The following RIGI variants were observed in gnomAD, a reference collection of about 807,000 sequenced individuals.
RIGI encodes the protein RNA sensor RIG-I.
the RIGI span, chr9:32,480,233 G>T: frequency 4.4e-6 from 7 of 1,601,460 alleles, no homozygotes; most frequent in Non-Finnish European, 6.0e-6. Flanking sequence ...AAATCTCTGA[G>T]TAAGATCTTG....
the RIGI span, among the ~76,000 whole-genome samples, chr9:32,464,486 T>C: frequency 4.6e-5 from 7 of 151,934 alleles, no homozygotes; most frequent in Non-Finnish European, 1.0e-4. Context: ...GCCTCCCGGG[T>C]TCACGCCATT....
chr9:32,488,656 T>C, the RIGI span: 1 of 1,395,348 alleles, frequency 7.2e-7, no homozygotes, highest in Non-Finnish European at 9.5e-7. Flanking sequence ...TTTTAAATCA[T>C]TTGTCAAAAA....
chr9:32,460,258 G>A, the RIGI span, among the ~76,000 whole-genome samples: 1 of 152,158 alleles, frequency 6.6e-6, no homozygotes, highest in Non-Finnish European at 1.5e-5. Flanking sequence ...CCCAATCTCG[G>A]TTATGTCTTT....
At chr9:32,487,578 G>C in the RIGI span, 4 of 1,614,146 alleles carry the variant, frequency 2.5e-6, no homozygotes, top group East Asian at 8.9e-5. Flanking sequence ...ATAATCCAAG[G>C]CTTCATCTGT....
chr9:32,473,611 A>C, the RIGI span, among the ~76,000 whole-genome samples: 1 of 152,172 alleles, frequency 6.6e-6, no homozygotes, highest in Non-Finnish European at 1.5e-5. Context: ...TAAAAGAAAA[A>C]ACAAAAGTTC....
chr9:32,473,717 A>G, the RIGI span, among the ~76,000 whole-genome samples: 15 of 152,334 alleles, frequency 9.8e-5, no homozygotes, highest in Admixed American at 4.6e-4. Context: ...TACTAGCAAC[A>G]AACTATTGGA....
chr9:32,488,461 A>G, the RIGI span, among the ~76,000 whole-genome samples: 1 of 152,224 alleles, frequency 6.6e-6, no homozygotes, highest in Non-Finnish European at 1.5e-5. Flanking sequence ...TATCAAATAA[A>G]TTATAAAATC....
the RIGI span, chr9:32,489,528 C>A: frequency 1.3e-6 from 1 of 782,038 alleles, no homozygotes; most frequent in Non-Finnish European, 2.0e-6. Context: ...GTCTAATGTC[C>A]ACAAATTCTG....
chr9:32,459,327 T>G, the RIGI span: 1 of 1,598,204 alleles, frequency 6.3e-7, no homozygotes, highest in Non-Finnish European at 8.5e-7. Flanking sequence ...AAGCTGTAGC[T>G]AGTGCTAAAA....
the RIGI span, among the ~76,000 whole-genome samples, chr9:32,467,311 A>G: frequency 1.3e-5 from 2 of 152,232 alleles, no homozygotes; most frequent in Non-Finnish European, 2.9e-5. Context: ...GCTGTTTTTC[A>G]GGAAAAGTAA....
the RIGI span, among the ~76,000 whole-genome samples, chr9:32,524,596 GTTTTTTTTTT>G: frequency 3.1e-4 from 21 of 67,586 alleles, no homozygotes; most frequent in East Asian, 8.1e-4. Flanking sequence ...TTGTTTTTCG[GTTTTTTTTTT>G]TTTTTTTTTT....
chr9:32,521,361 G>A, the RIGI span, among the ~76,000 whole-genome samples: 1 of 151,994 alleles, frequency 6.6e-6, no homozygotes, highest in East Asian at 1.9e-4. Context: ...AAAGGAAGAG[G>A]GAGAGACATT....
At chr9:32,507,803 G>A in the RIGI span, among the ~76,000 whole-genome samples, 1 of 152,032 alleles carries the variant, frequency 6.6e-6, no homozygotes, top group Non-Finnish European at 1.5e-5. Context: ...GAGCTGCCAA[G>A]TCTGGCCCCC....
At chr9:32,494,887 T>C in the RIGI span, among the ~76,000 whole-genome samples, 206 of 152,250 alleles carry the variant, frequency 1.4e-3, no homozygotes, top group Non-Finnish European at 2.1e-3. Flanking sequence ...AATATTCCAT[T>C]GTATGTGTAT....
chr9:32,484,415 C>G, the RIGI span, among the ~76,000 whole-genome samples: 2 of 152,090 alleles, frequency 1.3e-5, no homozygotes, highest in Non-Finnish European at 2.9e-5. Context: ...ATTTAACATC[C>G]CTAAAACTCA....
the RIGI span, among the ~76,000 whole-genome samples, chr9:32,490,681 G>T: frequency 5.9e-5 from 9 of 152,022 alleles, no homozygotes; most frequent in Non-Finnish European, 1.5e-5. Context: ...CAACTTGCCG[G>T]TCTCATAAAA....
the RIGI span, among the ~76,000 whole-genome samples, chr9:32,472,111 A>G: frequency 6.6e-6 from 1 of 152,064 alleles, no homozygotes; most frequent in Non-Finnish European, 1.5e-5. Context: ...TCCTTTGACC[A>G]CTCTAGCTGG....
chr9:32,525,871 G>A, the RIGI span, among the ~76,000 whole-genome samples: 6 of 152,172 alleles, frequency 3.9e-5, no homozygotes, highest in Admixed American at 6.5e-5. Flanking sequence ...CTGGAACTCA[G>A]TTTCCCCACC....
the RIGI span, among the ~76,000 whole-genome samples, chr9:32,495,447 C>T: frequency 6.6e-6 from 1 of 151,988 alleles, no homozygotes; most frequent in South Asian, 2.1e-4. Context: ...ACGATCCACC[C>T]GCCTCGGCCT....
Sources: allele counts gnomAD v4.1 joint callset (sites outside exome capture counted in the v4.1 genomes callset), GRCh38; gene constraint gnomAD v4.1.1; transcripts MANE v1.5; gene names NCBI Gene and HGNC (gene_info 2026-07-23, HGNC 2026-07-21).